The following MYLK variants were observed in gnomAD, a reference collection of about 807,000 sequenced individuals.
MYLK encodes myosin light chain kinase, smooth muscle.
Under a neutral mutation model 203.4 loss-of-function variants are expected in MYLK, and 106 were observed. The ratio of observed to expected loss-of-function variants is 0.52; its 90% CI spans 0.45 to 0.61. The LOEUF (loss-of-function observed/expected upper bound fraction) is 0.61. MYLK is among the 20% of genes least tolerant of loss of function. The pLI, the probability that MYLK is intolerant of heterozygous loss-of-function variation, is 0.00. For missense variants in MYLK, 2,072 were observed against 2,442.3 expected, an observed-to-expected ratio of 0.85 and a Z score of 3.20; for synonymous variants, 867 against 959.5, an observed-to-expected ratio of 0.90 and a Z score of 1.78.
chr3:123,829,641 A>AG lies in MYLK; in HGVS notation c.-4+1906_-4+1907insC, dbSNP rs2066255102. Reference sequence around the variant, plus strand: ...AAATGATAAATGTTTGCAATGATGGATATGCTAATTGCCCAGATCTGATCA... The same window carrying AG: ...AAATGATAAATGTTTGCAATGATGGAGTATGCTAATTGCCCAGATCTGATCA... On this transcript the variant is annotated intron_variant, in intron 3 of 33. Transcript: ENST00000360304. Among the ~76,000 whole-genome samples the AG allele has an allele frequency of 1.8e-4, 27 of 152,344 alleles. 1 individual carries two copies. The South Asian group carries it at 5.6e-3, about 32-fold the overall frequency.
Position 123,657,444 on chromosome 3 carries a change from C to A in MYLK, c.3986-16G>T. On this transcript the variant is annotated splice_polypyrimidine_tract_variant and intron_variant, in intron 23 of 33. Transcript: ENST00000360304. ...TCTGGCTTATCTGGGGATAAAGAAG[C>A]ACAACATCACCCACACTTTCCAGAA... is the stretch of plus-strand genomic sequence containing the variant. 6.2e-7 allele frequency: 1 copy of A among 1,612,140 alleles called. No homozygotes were observed. Among genetic ancestry groups the A allele is most frequent in the Non-Finnish European group, 8.5e-7 (1 of 1,179,726 alleles).
chr3:123,879,332 G>A (rs192523611), intron 1 of MYLK, among the ~76,000 whole-genome samples: 59 of 152,110 alleles, frequency 3.9e-4, no homozygotes, highest in Non-Finnish European at 7.9e-4. Context: ...TTGGGAGTGC[G>A]CTGCAAGGTC....
chr3:123,765,570 G>C (rs1014432396), intron 4 of MYLK, among the ~76,000 whole-genome samples: 1 of 151,002 alleles, frequency 6.6e-6, no homozygotes, highest in South Asian at 2.1e-4. Flanking sequence ...AAAGAAAAAA[G>C]GAATTTGTAC....
intron 32 of MYLK, 94 bp from the exon 33 acceptor site, chr3:123,618,864 T>C: frequency 1.3e-6 from 2 of 1,540,032 alleles, no homozygotes; most frequent in Non-Finnish European, 1.8e-6. Flanking sequence ...AAAGTTGCTA[T>C]GATTTAGCAA....
intron 2 of MYLK, among the ~76,000 whole-genome samples, chr3:123,835,182 A>C (rs972950994): frequency 3.9e-5 from 6 of 152,204 alleles, no homozygotes; most frequent in Non-Finnish European, 8.8e-5. Context: ...ATTGGGTCCT[A>C]CCCCAGACCT....
At chr3:123,788,112 GA>G (rs2064612718) in intron 4 of MYLK, among the ~76,000 whole-genome samples, 1 of 152,172 alleles carries the variant, frequency 6.6e-6, no homozygotes, top group Non-Finnish European at 1.5e-5. Context: ...CACGTGGTAG[GA>G]AGATCACTTA....
chr3:123,787,862 T>C (rs986904699), intron 4 of MYLK, among the ~76,000 whole-genome samples: 1 of 152,194 alleles, frequency 6.6e-6, no homozygotes, highest in African/African-American at 2.4e-5. Flanking sequence ...AATATGCTTC[T>C]TGTTTACCCT....
intron 3 of MYLK, among the ~76,000 whole-genome samples, chr3:123,816,806 C>T (rs1370400702): frequency 6.6e-6 from 1 of 152,130 alleles, no homozygotes; most frequent in Non-Finnish European, 1.5e-5. Flanking sequence ...ACACACAGAT[C>T]GGGGACTTTC....
intron 4 of MYLK, among the ~76,000 whole-genome samples, chr3:123,783,765 C>G (rs534489943): frequency 3.1e-4 from 47 of 152,308 alleles, no homozygotes; most frequent in African/African-American, 1.1e-3. Context: ...CAGCTATAAC[C>G]CTTGACATAA....
In MYLK at chr3:123,820,611, T is replaced by TTTCCTTCCTTCCTTCCTTCCTTCCTTCC. The variant is rs71142760; in HGVS notation, c.-4+10909_-4+10936dup. Among the ~76,000 whole-genome samples, 143 of 136,232 alleles carry TTTCCTTCCTTCCTTCCTTCCTTCCTTCC rather than the reference T, an allele frequency of 1.0e-3. 3 individuals are homozygous for TTTCCTTCCTTCCTTCCTTCCTTCCTTCC. The highest frequency in any genetic ancestry group is 3.7e-3 in the African/African-American group (134 of 36,656). The allele number at this position is 136,232 out of a possible 152,430, so 89.4% of individuals were successfully genotyped here. On this transcript the variant is annotated intron_variant, in intron 3 of 33. Transcript: ENST00000360304. ...ATTCAGCTAAGCTACCAGTGATTGA[T>TTTCCTTCCTTCCTTCCTTCCTTCCTTCC]TTCCTTCCTTCCTTCCTTCCTTCCT...
chr3:123,810,607 A>C (rs2065525879), intron 3 of MYLK, among the ~76,000 whole-genome samples: 1 of 152,212 alleles, frequency 6.6e-6, no homozygotes, highest in South Asian at 2.1e-4. Flanking sequence ...TTCTAGATGA[A>C]CAATCCCCCC....
At chr3:123,655,909 T>C (rs1315065563) in intron 24 of MYLK, among the ~76,000 whole-genome samples, 1 of 152,198 alleles carries the variant, frequency 6.6e-6, no homozygotes, top group Non-Finnish European at 1.5e-5. Flanking sequence ...ATTATAACAA[T>C]AAACCTCTAG....
chr3:123,660,361 G>A (rs946972728), intron 23 of MYLK, among the ~76,000 whole-genome samples: 2 of 152,190 alleles, frequency 1.3e-5, no homozygotes, highest in African/African-American at 4.8e-5. Context: ...GGTATTTGGG[G>A]TTCTCTCTAC....
intron 13 of MYLK, among the ~76,000 whole-genome samples, chr3:123,720,355 A>G (rs1292885452): frequency 6.6e-6 from 1 of 152,028 alleles, no homozygotes; most frequent in Admixed American, 6.5e-5. Flanking sequence ...TCCAATCTAA[A>G]CACAGGCAAG....
intron 2 of MYLK, among the ~76,000 whole-genome samples, chr3:123,848,204 A>C (rs1347626090): frequency 2.0e-5 from 3 of 151,442 alleles, no homozygotes; most frequent in Admixed American, 6.6e-5. Flanking sequence ...ATTTCATATC[A>C]GGAGTTATAT....
At chr3:123,754,752 G>A (rs2063310948) in intron 4 of MYLK, among the ~76,000 whole-genome samples, 1 of 152,056 alleles carries the variant, frequency 6.6e-6, no homozygotes, top group Non-Finnish European at 1.5e-5. Context: ...CCTGGCCTTT[G>A]CAAAACAGAA....
intron 4 of MYLK, among the ~76,000 whole-genome samples, chr3:123,761,312 G>A (rs2108928516): frequency 6.6e-6 from 1 of 152,296 alleles, no homozygotes; most frequent in South Asian, 2.1e-4. Context: ...TGGCTTCCTT[G>A]GCTTTGTTTC....
chr3:123,669,420 AG>A (rs1168434249), intron 20 of MYLK, among the ~76,000 whole-genome samples: 3 of 57,240 alleles, frequency 5.2e-5, no homozygotes, highest in South Asian at 1.5e-3. Flanking sequence ...GAAAGAGGAA[AG>A]GCTTTTTTTT....
At chr3:123,657,766 G>T (rs115037017) in intron 23 of MYLK, among the ~76,000 whole-genome samples, 5 of 152,198 alleles carry the variant, frequency 3.3e-5, no homozygotes, top group Admixed American at 2.0e-4. Flanking sequence ...CCCAGAAGGC[G>T]TGGACTATTT....
Sources: allele counts gnomAD v4.1 joint callset (sites outside exome capture counted in the v4.1 genomes callset), GRCh38; gene constraint gnomAD v4.1.1; transcripts MANE v1.5; gene names NCBI Gene and HGNC (gene_info 2026-07-23, HGNC 2026-07-21).